Variants in COL14A1 observed in about 807,000 individuals in gnomAD.
The protein encoded by COL14A1 is collagen type XIV alpha 1 chain.
In COL14A1, 136 loss-of-function variants were observed where a neutral mutation model predicts 230.3. The observed-to-expected ratio is 0.59, with a 90% CI of 0.51 to 0.68. The LOEUF is 0.68. Among genes scored for constraint, COL14A1 ranks in the 30% least tolerant of loss-of-function variants. The pLI is 0.00. For synonymous variants in COL14A1, 792 were observed against 784.1 expected (o/e 1.01, Z -0.17); for missense variants, 1,976 against 2,215.8 (o/e 0.89, Z 2.17).
In COL14A1 at chr8:120,341,378, C is replaced by T; in HGVS notation, c.4821+18C>T. ...GAGAGCGGGTAAGTATCCTGTGGCTCTGCTTTCTGGCCCCAGCTTGTTGCA... is the reference window on the plus strand; with the variant it reads ...GAGAGCGGGTAAGTATCCTGTGGCTTTGCTTTCTGGCCCCAGCTTGTTGCA... On this transcript the variant is annotated intron_variant, in intron 43 of 47. Coordinates refer to ENST00000297848, the MANE Select transcript of COL14A1 (RefSeq NM_021110.4). 10 of 1,613,842 alleles carry T rather than the reference C, an allele frequency of 6.2e-6. No homozygotes were observed. The highest frequency in any genetic ancestry group is 8.5e-6 in the Non-Finnish European group (10 of 1,179,894).
chr8:120,255,497 A>G lies in COL14A1; in HGVS notation c.2869+141A>G, dbSNP rs3750255. ...AATTTGTATTGGTCAGTCATGCTGC[A>G]TATGGGGTCTGACTGGTTGGGTAAG... On this transcript the variant is annotated intron_variant, in intron 23 of 47. Coordinates refer to ENST00000297848, the MANE Select transcript of COL14A1 (RefSeq NM_021110.4). The G allele has an allele frequency of 0.093, 63,831 of 684,484 alleles. 6,224 individuals carry two copies. The highest frequency in any genetic ancestry group is 0.39 in the East Asian group (15,025 of 38,968). 42.4% of individuals were successfully genotyped at this position (684,484 alleles called of 1,614,324 possible).
intron 5 of COL14A1, among the ~76,000 whole-genome samples, chr8:120,189,739 G>GT (rs368606737): frequency 0.34 from 50,307 of 149,310 alleles, 9,249 homozygotes; most frequent in Admixed American, 0.47. Flanking sequence ...GCGGTGTTTG[G>GT]TTTTTTGTCC....
Position 120,341,376 on chromosome 8 carries a change from C to G in COL14A1, c.4821+16C>G, listed in dbSNP as rs1050129318. On this transcript the variant is annotated intron_variant, in intron 43 of 47. Coordinates refer to ENST00000297848, the MANE Select transcript of COL14A1 (RefSeq NM_021110.4). ...AGGAGAGCGGGTAAGTATCCTGTGG[C>G]TCTGCTTTCTGGCCCCAGCTTGTTG... 6.2e-7 allele frequency: 1 copy of G among 1,613,856 alleles called. No homozygotes were observed. The highest frequency in any genetic ancestry group is 1.3e-5 in the African/African-American group (1 of 75,034).
chr8:120,217,029 T>C (rs996970993), intron 14 of COL14A1, among the ~76,000 whole-genome samples: 4 of 152,240 alleles, frequency 2.6e-5, no homozygotes, highest in Non-Finnish European at 5.9e-5. Context: ...ATCCTACCTA[T>C]GGTGGGAGAC....
intron 2 of COL14A1, among the ~76,000 whole-genome samples, chr8:120,151,129 AG>A (rs1476580265): frequency 1.3e-5 from 2 of 152,156 alleles, no homozygotes; most frequent in Non-Finnish European, 2.9e-5. Flanking sequence ...AACGCTTTAG[AG>A]GCCTTTGGTT....
rs202054551 is a variant in COL14A1 at position 120,209,724 on chromosome 8, T to C, written c.1322-32T>C. 22 of 1,589,714 alleles carry C rather than the reference T, an allele frequency of 1.4e-5. No homozygotes were observed. In the East Asian group the frequency reaches 5.0e-4, roughly 36 times the overall value. On this transcript the variant is annotated intron_variant, in intron 11 of 47. Transcript: ENST00000297848. ...TTTTTCTCAAGGACACATATATAAGTGGCTCAACATTTAAAAAAAAATCTC... is the reference window on the plus strand; with the variant it reads ...TTTTTCTCAAGGACACATATATAAGCGGCTCAACATTTAAAAAAAAATCTC...
In COL14A1 at chr8:120,225,194, T is replaced by C. The variant is rs1818057016; in HGVS notation, c.1844T>C (p.Leu615Pro). 1 of 1,612,310 alleles carries C rather than the reference T, an allele frequency of 6.2e-7. No homozygotes were observed. Among genetic ancestry groups the C allele is most frequent in the Admixed American group, 1.7e-5 (1 of 59,720 alleles). The change falls in exon 15 of 48, where the codon CTG becomes CCG. Residue 615 changes from leucine (L) to proline (P), a missense_variant. Around this residue, in one of 3 missense-constraint regions of COL14A1, gnomAD observed 1,791 missense variants for 2,019.5 expected, o/e 0.89. Transcript: ENST00000297848. Reference protein sequence around the residue: ...SIYDEGQSEPLTGVFTTEEVP... With the variant: ...SIYDEGQSEPPTGVFTTEEVP... Reference sequence around the variant, plus strand: ...TATGATGAAGGACAGTCAGAGCCTCTGACTGGAGTTTTTACCACCGGTAAG... The same window carrying C: ...TATGATGAAGGACAGTCAGAGCCTCCGACTGGAGTTTTTACCACCGGTAAG...
At chr8:120,272,465 T>C (rs1305963704) in intron 26 of COL14A1, among the ~76,000 whole-genome samples, 1 of 151,702 alleles carries the variant, frequency 6.6e-6, no homozygotes, top group Non-Finnish European at 1.5e-5. Context: ...TGAATGTAAA[T>C]AGCCTAAGTG....
At chr8:120,197,778 A>G (rs1017573502) in intron 6 of COL14A1, 33 bp from the exon 7 acceptor site, 2 of 1,586,318 alleles carry the variant, frequency 1.3e-6, no homozygotes, top group African/African-American at 2.7e-5. Context: ...GTAACCCATT[A>G]TTCCTGGTGC....
chr8:120,168,292 T>C (rs745936483), intron 5 of COL14A1, 45 bp downstream of exon 5: 25 of 1,389,308 alleles, frequency 1.8e-5, no homozygotes, highest in Non-Finnish European at 1.7e-5. Context: ...TTGGGTTGTT[T>C]TAATTACACA....
chr8:120,132,303 A>T (rs557421264), intron 1 of COL14A1, among the ~76,000 whole-genome samples: 3 of 152,186 alleles, frequency 2.0e-5, no homozygotes, highest in Admixed American at 2.0e-4. Flanking sequence ...AACACCATTT[A>T]TTGAAGAGGT....
chr8:120,169,032 T>C (rs1816014706), intron 5 of COL14A1, among the ~76,000 whole-genome samples: 1 of 152,072 alleles, frequency 6.6e-6, no homozygotes, highest in Non-Finnish European at 1.5e-5. Context: ...ATTTTTGTAT[T>C]TTTAGTAGAG....
chr8:120,125,057 C>G (rs998073329), upstream of COL14A1: 1 of 152,494 alleles, frequency 6.6e-6, no homozygotes, highest in Admixed American at 6.5e-5. Flanking sequence ...CCCGCCTCCG[C>G]GGCCACCCTC....
At chr8:120,217,884 A>G (rs1035622782) in intron 14 of COL14A1, among the ~76,000 whole-genome samples, 3 of 150,420 alleles carry the variant, frequency 2.0e-5, no homozygotes, top group African/African-American at 7.3e-5. Context: ...AAATCTGTAG[A>G]AGCAGACACA....
chr8:120,223,158 A>AAGGTG (rs1817985393), intron 14 of COL14A1, among the ~76,000 whole-genome samples: 1 of 152,242 alleles, frequency 6.6e-6, no homozygotes, highest in Non-Finnish European at 1.5e-5. Flanking sequence ...GCAGAAAGAA[A>AAGGTG]AGGTGCTGCC....
At position 120,207,086 on chromosome 8, in the gene COL14A1, C is replaced by T. The variant is rs757158066; in HGVS notation, c.1183C>T (p.Pro395Ser). Reference protein sequence around the residue: ...VVYYPTRGGKPDEVVVDGTVS... With the variant: ...VVYYPTRGGKSDEVVVDGTVS... Reference sequence around the variant, plus strand: ...GTATTATCCTACCAGGGGTGGAAAACCAGACGAGGTAATAAGGAGAGAGTA... The same window carrying T: ...GTATTATCCTACCAGGGGTGGAAAATCAGACGAGGTAATAAGGAGAGAGTA... The change falls in exon 10 of 48, where the codon CCA becomes TCA. Residue 395 changes from proline to serine, a missense_variant. Pro to Ser is a moderately conservative substitution (Grantham distance 74). Around this residue, in one of 3 missense-constraint regions of COL14A1, gnomAD observed 1,791 missense variants for 2,019.5 expected, o/e 0.89. Transcript: ENST00000297848. 9.3e-6 allele frequency: 15 copies of T among 1,610,878 alleles called. No individual in the cohort carries two copies. Among genetic ancestry groups the T allele is most frequent in the Non-Finnish European group, 9.3e-6 (11 of 1,178,990 alleles).
At chr8:120,138,914 T>C (rs1361343821) in intron 1 of COL14A1, among the ~76,000 whole-genome samples, 2 of 152,218 alleles carry the variant, frequency 1.3e-5, no homozygotes, top group East Asian at 1.9e-4. Context: ...ATAAAGTAGA[T>C]ATGAACATAT....
chr8:120,192,243 G>A (rs1816852130), intron 5 of COL14A1, among the ~76,000 whole-genome samples: 1 of 152,080 alleles, frequency 6.6e-6, no homozygotes, highest in South Asian at 2.1e-4. Context: ...CAGGCATGGT[G>A]GTGACAAAAT....
At chr8:120,131,939 T>G (rs563371028) in intron 1 of COL14A1, among the ~76,000 whole-genome samples, 2 of 143,558 alleles carry the variant, frequency 1.4e-5, no homozygotes, top group South Asian at 4.8e-4. Flanking sequence ...CTCTGCCTCC[T>G]GGGTTCAGGC....
Sources: allele counts gnomAD v4.1 joint callset (sites outside exome capture counted in the v4.1 genomes callset), GRCh38; gene constraint gnomAD v4.1.1; regional missense constraint gnomAD v4.1.1; transcripts MANE v1.5; gene names NCBI Gene and HGNC (gene_info 2026-07-23, HGNC 2026-07-21).